Variants in SOX5 observed in about 807,000 individuals in gnomAD.
The protein encoded by SOX5 is SRY-box transcription factor 5.
In SOX5, 9 loss-of-function variants were observed where a neutral mutation model predicts 92.0. The ratio of observed to expected loss-of-function variants is 0.10; its 90% confidence interval spans 0.06 to 0.17. The LOEUF is 0.17. SOX5 is among the 10% of genes least tolerant of loss of function. The probability of loss-of-function intolerance (pLI) is 1.00; values close to 1 mark genes in which losing one functional copy is unlikely to be tolerated. For missense variants in SOX5, 642 were observed against 944.5 expected (o/e 0.68, Z 4.20); for synonymous variants, 344 against 336.3 (o/e 1.02, Z -0.25).
chr12:23,579,848 A>G (rs1949793006), intron 9 of SOX5, among the ~76,000 whole-genome samples: 1 of 152,090 alleles, frequency 6.6e-6, no homozygotes, highest in Admixed American at 6.6e-5. Flanking sequence ...AAAAGATACT[A>G]TTTCTATCAA....
intron 1 of SOX5, among the ~76,000 whole-genome samples, chr12:23,943,101 T>C (rs748561141): frequency 1.3e-5 from 2 of 152,000 alleles, no homozygotes; most frequent in East Asian, 3.9e-4. Context: ...CCATAGCACA[T>C]GAATGAGACA....
chr12:23,979,974 CAGATAGAT>C (rs201558116), intron 4 of SOX5, among the ~76,000 whole-genome samples: 1 of 143,400 alleles, frequency 7.0e-6, no homozygotes, highest in African/African-American at 2.6e-5. Context: ...GATAGATAGA[CAGATAGAT>C]AGATAGATAG....
intron 4 of SOX5, among the ~76,000 whole-genome samples, chr12:24,162,731 A>G (rs1952901761): frequency 1.3e-5 from 2 of 150,424 alleles, no homozygotes; most frequent in South Asian, 4.3e-4. Context: ...TCCTTTTTTT[A>G]CTCCCCTTTT....
At chr12:23,967,980 T>C (rs2140101217) in intron 4 of SOX5, among the ~76,000 whole-genome samples, 1 of 152,336 alleles carries the variant, frequency 6.6e-6, no homozygotes, top group East Asian at 1.9e-4. Flanking sequence ...CAAAGCACTT[T>C]GAATGCAGTA....
chr12:24,517,869 T>C (rs1949935970), intron 1 of SOX5, among the ~76,000 whole-genome samples: 3 of 152,158 alleles, frequency 2.0e-5, no homozygotes, highest in Non-Finnish European at 4.4e-5. Context: ...TACAAAAATT[T>C]TGAAACCTTC....
chr12:23,964,960 G>C (rs1249434699), intron 4 of SOX5, among the ~76,000 whole-genome samples: 2 of 152,194 alleles, frequency 1.3e-5, no homozygotes, highest in Non-Finnish European at 2.9e-5. Context: ...TAGGGGAGCA[G>C]ACCTGGGCAA....
chr12:24,275,276 C>T (rs550081461), intron 3 of SOX5, among the ~76,000 whole-genome samples: 1 of 151,790 alleles, frequency 6.6e-6, no homozygotes, highest in South Asian at 2.1e-4. Context: ...TAATTATATT[C>T]GATGTGTTTA....
At chr12:24,360,307 T>C (rs1317582309) in intron 2 of SOX5, among the ~76,000 whole-genome samples, 1 of 152,222 alleles carries the variant, frequency 6.6e-6, no homozygotes, top group Non-Finnish European at 1.5e-5. Flanking sequence ...CAAAATGTTA[T>C]GGAATTCTGT....
At chr12:24,094,058 C>T (rs550780416) in intron 4 of SOX5, among the ~76,000 whole-genome samples, 14 of 152,006 alleles carry the variant, frequency 9.2e-5, no homozygotes, top group Admixed American at 4.6e-4. Flanking sequence ...GCGATTCTCC[C>T]GCCTCAGCCT....
chr12:23,731,623 T>C (rs981927791), intron 6 of SOX5, among the ~76,000 whole-genome samples: 3 of 152,300 alleles, frequency 2.0e-5, no homozygotes, highest in East Asian at 1.9e-4. Flanking sequence ...GAAAATATTA[T>C]CTTTCCTGTC....
intron 7 of SOX5, among the ~76,000 whole-genome samples, chr12:23,654,471 A>G (rs768347494): frequency 2.6e-5 from 4 of 152,134 alleles, no homozygotes. Flanking sequence ...GATGTTACAT[A>G]TAAACATATA....
chr12:23,711,520 A>G (rs541474699), intron 6 of SOX5, among the ~76,000 whole-genome samples: 2 of 152,328 alleles, frequency 1.3e-5, no homozygotes, highest in Non-Finnish European at 2.9e-5. Flanking sequence ...TGTATTATTA[A>G]TAACATTTGA....
intron 1 of SOX5, among the ~76,000 whole-genome samples, chr12:24,378,588 A>T (rs986969958): frequency 6.6e-6 from 1 of 152,220 alleles, no homozygotes; most frequent in Non-Finnish European, 1.5e-5. Context: ...TAATAGGGCT[A>T]TGATGAATCT....
At chr12:23,649,886 G>A (rs2081335526) in intron 7 of SOX5, among the ~76,000 whole-genome samples, 1 of 151,964 alleles carries the variant, frequency 6.6e-6, no homozygotes, top group South Asian at 2.1e-4. Flanking sequence ...TGCAGATGTG[G>A]TTTTAACAAG....
intron 2 of SOX5, among the ~76,000 whole-genome samples, chr12:24,337,589 C>T (rs1952052657): frequency 6.6e-6 from 1 of 152,160 alleles, no homozygotes; most frequent in African/African-American, 2.4e-5. Flanking sequence ...ATCTGCCCAC[C>T]TCGGCCTCCC....
intron 4 of SOX5, among the ~76,000 whole-genome samples, chr12:24,165,381 A>C (rs1009779366): frequency 6.6e-6 from 1 of 152,178 alleles, no homozygotes; most frequent in Non-Finnish European, 1.5e-5. Flanking sequence ...CAAATGTTTC[A>C]TAAACCATAA....
At chr12:23,883,017 T>A (rs946539884) in intron 2 of SOX5, among the ~76,000 whole-genome samples, 1 of 151,928 alleles carries the variant, frequency 6.6e-6, no homozygotes, top group Non-Finnish European at 1.5e-5. Context: ...CCGTCTCTAC[T>A]AAAAATACAA....
chr12:23,626,577 A>G (rs1592708405), intron 8 of SOX5, among the ~76,000 whole-genome samples: 1 of 151,814 alleles, frequency 6.6e-6, no homozygotes, highest in Non-Finnish European at 1.5e-5. Context: ...TTGATAGCAC[A>G]TGAATAAATG....
intron 3 of SOX5, among the ~76,000 whole-genome samples, chr12:24,249,418 A>C (rs1939574830): frequency 6.6e-6 from 1 of 152,218 alleles, no homozygotes; most frequent in South Asian, 2.1e-4. Context: ...AATGATACAT[A>C]GCACAAGCCC....
Sources: allele counts gnomAD v4.1 joint callset (sites outside exome capture counted in the v4.1 genomes callset), GRCh38; gene constraint gnomAD v4.1.1; transcripts MANE v1.5; gene names NCBI Gene and HGNC (gene_info 2026-07-23, HGNC 2026-07-21).